The following LYRM4 variants were observed in gnomAD, a reference collection of about 807,000 sequenced individuals.
LYRM4 encodes LYR motif-containing protein 4.
LYRM4 carries 9 observed loss-of-function variants against 11.7 expected under a neutral mutation model. The ratio of observed to expected loss-of-function variants is 0.77; its 90% CI spans 0.46 to 1.34. The LOEUF (loss-of-function observed/expected upper bound fraction) is 1.34, where lower values mean the gene tolerates loss of function less well. Among genes scored for constraint, LYRM4 ranks in the 40% most tolerant of loss-of-function variants. LYRM4 has a pLI of 0.00. For missense variants in LYRM4, 133 were observed against 112.5 expected, an observed-to-expected ratio of 1.18 and a Z score of -0.82; for synonymous variants, 42 against 40.4, an observed-to-expected ratio of 1.04 and a Z score of -0.15.
intron 2 of LYRM4, among the ~76,000 whole-genome samples, chr6:5,188,464 A>G (rs1760553167): frequency 6.6e-6 from 1 of 152,230 alleles, no homozygotes; most frequent in Non-Finnish European, 1.5e-5. Flanking sequence ...TTGTAAATCA[A>G]GGGAGGATAA....
rs1759844590 is a variant in LYRM4, at chr6:5,178,374, A to AGG, written c.207+38243_207+38244insCC. 2.0e-5 allele frequency among the ~76,000 whole-genome samples: 3 copies of AGG among 152,246 alleles called. No individual in the cohort carries two copies. In the South Asian group the frequency reaches 6.2e-4, roughly 32 times the overall value. On this transcript the variant is annotated intron_variant, in intron 2 of 2. Coordinates refer to ENST00000330636, the MANE Select transcript of LYRM4 (RefSeq NM_020408.6). Reference sequence around the variant, plus strand: ...ACAGACAGACCCTCTAAGGCAAATAATTTGAAAGCTAACACCTGGATGTAG... The same window carrying AGG: ...ACAGACAGACCCTCTAAGGCAAATAAGGTTTGAAAGCTAACACCTGGATGTAG...
chr6:5,073,398 A>G, the LYRM4 span, among the ~76,000 whole-genome samples: 1 of 151,048 alleles, frequency 6.6e-6, no homozygotes, highest in African/African-American at 2.4e-5. Flanking sequence ...ATATATTGGC[A>G]TCAAAGATTT....
chr6:5,245,154 AT>A lies in LYRM4; in HGVS notation c.86+15493del, dbSNP rs1561899196. ...TATATATATATATATATATATATAT[AT>A]ATATATATAAAATAGGTGAATTTCT... On this transcript the variant is annotated intron_variant, in intron 1 of 2. Coordinates refer to ENST00000330636, the MANE Select transcript of LYRM4 (RefSeq NM_020408.6). 1.2e-3 allele frequency among the ~76,000 whole-genome samples: 123 copies of A among 103,846 alleles called. 5 individuals are homozygous for A. Among genetic ancestry groups the A allele is most frequent in the African/African-American group, 2.2e-3 (61 of 27,748 alleles). The allele number at this position is 103,846 out of a possible 152,430, so 68.1% of individuals were successfully genotyped here.
intron 2 of LYRM4, among the ~76,000 whole-genome samples, chr6:5,181,090 C>T (rs1350263230): frequency 6.6e-6 from 1 of 152,074 alleles, no homozygotes; most frequent in Non-Finnish European, 1.5e-5. Flanking sequence ...AATTTTCACG[C>T]CAAATAAACA....
chr6:5,260,469 C>A (rs577233867), intron 1 of LYRM4, among the ~76,000 whole-genome samples, 179 bp downstream of exon 1: 41 of 152,384 alleles, frequency 2.7e-4, no homozygotes, highest in East Asian at 2.3e-3. Context: ...TCCCCGAGGT[C>A]TCAGAGGCCA....
At chr6:5,075,651 A>C in the LYRM4 span, among the ~76,000 whole-genome samples, 88 of 152,354 alleles carry the variant, frequency 5.8e-4, 1 homozygote, top group Non-Finnish European at 1.1e-3. Flanking sequence ...AAGGTGGCTA[A>C]TGAGAGGACA....
chr6:5,098,006 A>G, the LYRM4 span, among the ~76,000 whole-genome samples: 2 of 152,148 alleles, frequency 1.3e-5, no homozygotes, highest in Non-Finnish European at 2.9e-5. Context: ...AATTCTTTTT[A>G]GAGATAGGAT....
At chr6:5,063,620 T>A in the LYRM4 span, among the ~76,000 whole-genome samples, 1 of 152,206 alleles carries the variant, frequency 6.6e-6, no homozygotes, top group Non-Finnish European at 1.5e-5. Context: ...AGCACTGAGC[T>A]TGGCCTGGAG....
intron 2 of LYRM4, among the ~76,000 whole-genome samples, chr6:5,133,153 G>A (rs1024835541): frequency 3.3e-5 from 5 of 152,242 alleles, no homozygotes; most frequent in African/African-American, 1.2e-4. Flanking sequence ...TCACGGGTGA[G>A]GCTATGGGTG....
chr6:5,081,421 G>A, the LYRM4 span, among the ~76,000 whole-genome samples: 12 of 152,228 alleles, frequency 7.9e-5, no homozygotes, highest in South Asian at 2.5e-3. Context: ...CTGCAAGGTG[G>A]GTGCACACCG....
chr6:5,210,868 T>TA (rs1761954953), intron 2 of LYRM4, among the ~76,000 whole-genome samples: 1 of 152,228 alleles, frequency 6.6e-6, no homozygotes, highest in African/African-American at 2.4e-5. Flanking sequence ...GGCTGAATAA[T>TA]ATTCTATTGT....
At chr6:5,104,343 T>C (rs559450630), downstream of LYRM4, 2 of 152,252 alleles carry the variant, frequency 1.3e-5, no homozygotes, top group East Asian at 3.9e-4. Context: ...GGTGCGATCA[T>C]GGCTCACTGC....
At chr6:5,232,796 A>G (rs1302948537) in intron 1 of LYRM4, among the ~76,000 whole-genome samples, 3 of 152,236 alleles carry the variant, frequency 2.0e-5, no homozygotes, top group Non-Finnish European at 4.4e-5. Context: ...TTCTATACGC[A>G]TAAATGCTCA....
Position 5,256,490 on chromosome 6 carries a change from G to GAAAAAAAAAAAAAAAAAAAAAAAAAAAA in LYRM4, c.86+4157_86+4158insTTTTTTTTTTTTTTTTTTTTTTTTTTTT, listed in dbSNP as rs777995486. 5.3e-5 allele frequency among the ~76,000 whole-genome samples: 2 copies of GAAAAAAAAAAAAAAAAAAAAAAAAAAAA among 37,520 alleles called. 1 individual carries two copies. Among genetic ancestry groups the GAAAAAAAAAAAAAAAAAAAAAAAAAAAA allele is most frequent in the Non-Finnish European group, 1.1e-4 (2 of 18,396 alleles). The allele number at this position is 37,520 out of a possible 152,430, so 24.6% of individuals were successfully genotyped here. A position where few individuals can be genotyped will look rare whatever the true frequency, so the allele number is the denominator to read the frequency against. On this transcript the variant is annotated intron_variant, in intron 1 of 2. Transcript: ENST00000330636. ...GGGCAACAAGGGCAAGATTTCAACT[G>GAAAAAAAAAAAAAAAAAAAAAAAAAAAA]GAAAAAAAAAAAAAAAAAAAAAAAA...
At chr6:5,138,385 G>A (rs1757211078) in intron 2 of LYRM4, among the ~76,000 whole-genome samples, 1 of 150,000 alleles carries the variant, frequency 6.7e-6, no homozygotes, top group Non-Finnish European at 1.5e-5. Flanking sequence ...TCGGGAGGCT[G>A]AGGTGGGAGG....
intron 2 of LYRM4, among the ~76,000 whole-genome samples, chr6:5,182,881 G>C (rs2127680770): frequency 6.6e-6 from 1 of 152,250 alleles, no homozygotes; most frequent in Non-Finnish European, 1.5e-5. Context: ...CCTGAGAGTG[G>C]AGAATATTTT....
At chr6:5,158,664 G>T (rs1357124114) in intron 2 of LYRM4, among the ~76,000 whole-genome samples, 1 of 151,896 alleles carries the variant, frequency 6.6e-6, no homozygotes, top group Admixed American at 6.6e-5. Flanking sequence ...TTTTGTAGAG[G>T]GTCCCACTAT....
chr6:5,247,806 A>G (rs1238696320), intron 1 of LYRM4, among the ~76,000 whole-genome samples: 2 of 152,212 alleles, frequency 1.3e-5, no homozygotes, highest in African/African-American at 4.8e-5. Context: ...AAATAAAAAA[A>G]AATTACTCTG....
chr6:5,094,323 A>ATCC, the LYRM4 span, among the ~76,000 whole-genome samples: 1 of 152,232 alleles, frequency 6.6e-6, no homozygotes, highest in East Asian at 1.9e-4. Flanking sequence ...CTCTATAAAA[A>ATCC]AATTTTAAAA....
Sources: gnomAD v4.1 joint callset for allele counts (sites outside exome capture counted in the v4.1 genomes callset) on GRCh38, gnomAD v4.1.1 for gene constraint, MANE v1.5 for transcripts, NCBI Gene and HGNC (gene_info 2026-07-23, HGNC 2026-07-21) for gene names.